SETX: variants seen among roughly 807,000 people sequenced by gnomAD.
The protein encoded by SETX is helicase senataxin.
Under a neutral mutation model 227.2 loss-of-function variants are expected in SETX, and 90 were observed. The observed-to-expected ratio is 0.40, with a 90% confidence interval of 0.33 to 0.47. The LOEUF (loss-of-function observed/expected upper bound fraction) is 0.47, where lower values mean the gene tolerates loss of function less well. SETX is among the 20% of genes least tolerant of loss of function. The pLI is 0.91. For missense variants in SETX, 3,052 were observed against 3,181.5 expected (o/e 0.96, Z 0.98); for synonymous variants, 1,210 against 1,113.2 (o/e 1.09, Z -1.73).
chr9:132,297,980 A>C, intron 13 of SETX, 100 bp downstream of exon 13: 1 of 1,015,198 alleles, frequency 9.9e-7, no homozygotes, highest in Middle Eastern at 2.2e-4. Context: ...CACCGTGAAC[A>C]CATTTTTGTT....
At chr9:132,352,469 A>G (rs1351938223) in intron 2 of SETX, among the ~76,000 whole-genome samples, 1 of 152,218 alleles carries the variant, frequency 6.6e-6, no homozygotes, top group Non-Finnish European at 1.5e-5. Context: ...AACTTAATGC[A>G]GGCAGGGCGC....
chr9:132,287,675 T>A (rs1044852527), intron 17 of SETX, among the ~76,000 whole-genome samples: 2 of 151,770 alleles, frequency 1.3e-5, no homozygotes, highest in Non-Finnish European at 2.9e-5. Context: ...CTAGAATATC[T>A]TGCCCTTTAC....
At chr9:132,273,967 ATTCT>A (rs1329588524) in intron 23 of SETX, among the ~76,000 whole-genome samples, 12 of 121,564 alleles carry the variant, frequency 9.9e-5, no homozygotes, top group Admixed American at 3.0e-4. Flanking sequence ...GTTCCTTTGT[ATTCT>A]TTTTTTTTTT....
chr9:132,292,625 A>T (rs998736673), intron 15 of SETX, among the ~76,000 whole-genome samples: 5 of 125,232 alleles, frequency 4.0e-5, no homozygotes, highest in Admixed American at 1.6e-4. Context: ...TTCCCAACTC[A>T]TTTTTTTTTT....
intron 10 of SETX, among the ~76,000 whole-genome samples, chr9:132,322,141 T>G (rs1415617066): frequency 6.6e-6 from 1 of 152,180 alleles, no homozygotes; most frequent in Non-Finnish European, 1.5e-5. Flanking sequence ...TATCTGAAGA[T>G]TTCATGTTTT....
intron 11 of SETX, among the ~76,000 whole-genome samples, chr9:132,301,088 C>CTTTTT (rs200657740): frequency 1.5e-4 from 19 of 123,960 alleles, no homozygotes; most frequent in Non-Finnish European, 2.7e-4. Context: ...GTTTATTCTG[C>CTTTTT]TTTTTTTTTT....
intron 25 of SETX, chr9:132,266,002 A>C (rs191460521): frequency 1.8e-4 from 27 of 152,204 alleles, no homozygotes; most frequent in Non-Finnish European, 3.7e-4. Flanking sequence ...CCCATCGGGA[A>C]AGTTGCCAAA....
intron 11 of SETX, among the ~76,000 whole-genome samples, chr9:132,305,140 G>A (rs1165421720): frequency 6.6e-6 from 1 of 151,758 alleles, no homozygotes; most frequent in Non-Finnish European, 1.5e-5. Context: ...GGATCACGAG[G>A]TTAGGAGATC....
intron 15 of SETX, among the ~76,000 whole-genome samples, chr9:132,290,876 A>G (rs181290629): frequency 6.6e-6 from 1 of 152,134 alleles, no homozygotes; most frequent in East Asian, 1.9e-4. Flanking sequence ...ATTCCCCACT[A>G]TATCACTGGG....
At position 132,331,320 on chromosome 9, in the gene SETX, T is replaced by C. The variant is rs758625845; in HGVS notation, c.967A>G (p.Ser323Gly). ...VAFQTIINNA[S>G]YNREIRHIRN... is the part of the protein sequence containing the mutation. ...ATATGTCGGATCTCTCTATTGTAGC[T>C]TGCGTTGTTGATAATGGTTTGAAAT... The change falls in exon 8 of 26, where the codon AGC (serine) becomes GGC (glycine). Residue 323 changes from serine to glycine, a missense_variant. Ser to Gly is a moderately conservative substitution (Grantham distance 56). This residue lies in a region of SETX where 239 missense variants were observed against 240.8 expected (regional missense o/e 0.99). Transcript: ENST00000224140. The C allele has an allele frequency of 9.9e-6, 16 of 1,613,994 alleles. No individual in the cohort carries two copies. The highest frequency in any genetic ancestry group is 1.4e-5 in the Non-Finnish European group (16 of 1,180,006).
intron 18 of SETX, among the ~76,000 whole-genome samples, chr9:132,284,584 TA>T (rs1407422603): frequency 1.3e-5 from 2 of 152,212 alleles, no homozygotes; most frequent in Non-Finnish European, 2.9e-5. Context: ...TCAATGAGTC[TA>T]AATCTTACAG....
In SETX at chr9:132,329,857, T is replaced by C; in HGVS notation, c.1741A>G (p.Thr581Ala). The C allele has an allele frequency of 1.2e-6, 2 of 1,614,148 alleles. No homozygotes were observed. The highest frequency in any genetic ancestry group is 1.7e-6 in the Non-Finnish European group (2 of 1,180,024). The change falls in exon 10 of 26, where the codon ACC becomes GCC. Residue 581 changes from threonine (T) to alanine (A), a missense_variant. Thr to Ala is a moderately conservative substitution (Grantham distance 58). This residue lies in a region of SETX where 179 missense variants were observed against 197.1 expected (regional missense o/e 0.91). Transcript: ENST00000224140. ...SLGWQLTSQE[T>A]HELQSCLKQI... ...TTTAAGCAACTTTGTAGCTCATGGGTTTCCTGACTAGTCAACTGCCAACCT... is the reference window on the plus strand; with the variant it reads ...TTTAAGCAACTTTGTAGCTCATGGGCTTCCTGACTAGTCAACTGCCAACCT...
chr9:132,306,840 C>T (rs894499564), intron 11 of SETX, among the ~76,000 whole-genome samples: 2 of 152,212 alleles, frequency 1.3e-5, no homozygotes, highest in African/African-American at 2.4e-5. Context: ...CAGCCTACCA[C>T]GTAGCAGGGA....
At position 132,278,235 on chromosome 9, in the gene SETX, T is replaced by C; in HGVS notation, c.6677A>G (p.Asp2226Gly). Residue 2226 changes from aspartate to glycine, a missense_variant, in exon 21 of 26, where the codon GAC (aspartate) becomes GGC (glycine). Asp to Gly is a moderately conservative substitution (Grantham distance 94). This residue lies in a region of SETX where 412 missense variants were observed against 589.0 expected (regional missense o/e 0.70). Coordinates refer to ENST00000224140, the MANE Select transcript of SETX (RefSeq NM_015046.7). Reference sequence around the variant, plus strand: ...GCAGAAGCGAGCCATCATTGACTGGTCGTAGCCATACTCCTGTGCTTTCTG... The same window carrying C: ...GCAGAAGCGAGCCATCATTGACTGGCCGTAGCCATACTCCTGTGCTTTCTG... ...ISMKAQEYGY[D>G]QSMMARFCRL... is the part of the protein sequence containing the mutation. The C allele has an allele frequency of 6.2e-7, 1 of 1,614,134 alleles. No individual in the cohort carries two copies.
intron 24 of SETX, among the ~76,000 whole-genome samples, chr9:132,270,448 G>C (rs902081670): frequency 6.6e-6 from 1 of 152,250 alleles, no homozygotes; most frequent in African/African-American, 2.4e-5. Flanking sequence ...GCCCATGTGA[G>C]ACACAGGTGG....
chr9:132,325,149 G>C (rs922444834), intron 10 of SETX, among the ~76,000 whole-genome samples: 1 of 152,006 alleles, frequency 6.6e-6, no homozygotes, highest in African/African-American at 2.4e-5. Flanking sequence ...AAGGTCAGGA[G>C]ATTGAGACCA....
At chr9:132,344,986 A>C (rs982658065) in intron 4 of SETX, among the ~76,000 whole-genome samples, 16 of 152,246 alleles carry the variant, frequency 1.1e-4, no homozygotes, top group African/African-American at 3.6e-4. Context: ...AGACAGCTAT[A>C]ATAAGCCATG....
At chr9:132,297,488 G>A (rs1844739954) in intron 13 of SETX, among the ~76,000 whole-genome samples, 1 of 152,106 alleles carries the variant, frequency 6.6e-6, no homozygotes, top group Non-Finnish European at 1.5e-5. Context: ...GTATGCCAGG[G>A]GAAGATCTGG....
chr9:132,342,190 C>T (rs1228781006), intron 5 of SETX, among the ~76,000 whole-genome samples: 1 of 152,182 alleles, frequency 6.6e-6, no homozygotes, highest in African/African-American at 2.4e-5. Context: ...GATCTCAAAC[C>T]TTAGCCAAAG....
Sources: allele counts gnomAD v4.1 joint callset (sites outside exome capture counted in the v4.1 genomes callset), GRCh38; gene constraint gnomAD v4.1.1; regional missense constraint gnomAD v4.1.1; transcripts MANE v1.5; gene names NCBI Gene and HGNC (gene_info 2026-07-23, HGNC 2026-07-21).